The following DPYD variants were observed in gnomAD, a reference collection of about 807,000 sequenced individuals.
The protein encoded by DPYD is dihydropyrimidine dehydrogenase.
DPYD carries 109 observed loss-of-function variants against 116.2 expected under a neutral mutation model. The observed-to-expected ratio is 0.94, with a 90% CI of 0.80 to 1.10. DPYD has a LOEUF of 1.10. DPYD is among the 50% of genes least tolerant of loss of function. The pLI is 0.00. For missense variants in DPYD, 1,302 were observed against 1,254.5 expected (o/e 1.04, Z -0.57); for synonymous variants, 440 against 432.0 (o/e 1.02, Z -0.23).
Position 97,684,281 on chromosome 1 carries a change from T to G in DPYD, c.763-5099A>C, listed in dbSNP as rs142255616. Among the ~76,000 whole-genome samples the G allele has an allele frequency of 1.4e-3, 216 of 152,262 alleles. 2 individuals carry two copies. Among genetic ancestry groups the G allele is most frequent in the Non-Finnish European group, 2.7e-3 (181 of 68,002 alleles). ...AGAACTTCCTGAGTTCTGCCTTAAT[T>G]TCATTGTTTACCCAGGAGTCATACA... On this transcript the variant is annotated intron_variant, in intron 7 of 22. Coordinates refer to ENST00000370192, the MANE Select transcript of DPYD (RefSeq NM_000110.4).
rs796498321 is a variant in DPYD at position 97,259,369 on chromosome 1, C to T, written c.2300-24375G>A. Among the ~76,000 whole-genome samples, 7 of 152,040 alleles carry T rather than the reference C, an allele frequency of 4.6e-5. No individual in the cohort carries two copies. The South Asian group carries it at 1.0e-3, about 23-fold the overall frequency. The stretch of plus-strand genomic sequence containing the variant: ...ACAGCAACCACAAACTGGAATTTAC[C>T]GATTAAAAATATTATTATTTTTGAG... On this transcript the variant is annotated intron_variant, in intron 18 of 22. Coordinates refer to ENST00000370192, the MANE Select transcript of DPYD (RefSeq NM_000110.4).
intron 18 of DPYD, among the ~76,000 whole-genome samples, chr1:97,251,917 A>C: frequency 6.6e-6 from 1 of 152,152 alleles, no homozygotes; most frequent in Admixed American, 6.5e-5. Context: ...AAATGCCATC[A>C]ACTGATCACA....
intron 16 of DPYD, among the ~76,000 whole-genome samples, chr1:97,323,656 C>T (rs1204677833): frequency 4.1e-5 from 2 of 48,328 alleles, no homozygotes; most frequent in African/African-American, 1.3e-4. Context: ...TATATATACA[C>T]GTATATATAC....
chr1:97,133,618 C>T (rs185434712), intron 20 of DPYD, among the ~76,000 whole-genome samples: 1 of 152,030 alleles, frequency 6.6e-6, no homozygotes, highest in Admixed American at 6.6e-5. Flanking sequence ...TCACAGAGCA[C>T]ACTGCAATTT....
chr1:97,539,712 C>T (rs1650285591), intron 12 of DPYD, among the ~76,000 whole-genome samples: 1 of 152,156 alleles, frequency 6.6e-6, no homozygotes, highest in Non-Finnish European at 1.5e-5. Context: ...TAAAGATCAA[C>T]ATTATTTGAC....
At chr1:97,669,429 A>G (rs1659740520) in intron 8 of DPYD, among the ~76,000 whole-genome samples, 1 of 152,146 alleles carries the variant, frequency 6.6e-6, no homozygotes, top group South Asian at 2.1e-4. Flanking sequence ...TAACCAAACT[A>G]GATTGTATTT....
intron 13 of DPYD, among the ~76,000 whole-genome samples, chr1:97,483,602 T>C (rs1160178580): frequency 2.0e-5 from 3 of 152,130 alleles, no homozygotes; most frequent in Admixed American, 2.0e-4. Context: ...GGCACACGTT[T>C]ACCTATGTAA....
At chr1:97,718,037 A>C (rs1662710000) in intron 5 of DPYD, among the ~76,000 whole-genome samples, 1 of 152,068 alleles carries the variant, frequency 6.6e-6, no homozygotes, top group Non-Finnish European at 1.5e-5. Flanking sequence ...GCTTTAAGAA[A>C]TTTCCACACT....
intron 8 of DPYD, among the ~76,000 whole-genome samples, chr1:97,661,513 T>C (rs1659254988): frequency 6.6e-6 from 1 of 152,192 alleles, no homozygotes; most frequent in Non-Finnish European, 1.5e-5. Context: ...CCCATCTAGT[T>C]GATACTTGCC....
chr1:97,274,492 T>G (rs980620118), intron 18 of DPYD, among the ~76,000 whole-genome samples: 1 of 152,188 alleles, frequency 6.6e-6, no homozygotes, highest in Non-Finnish European at 1.5e-5. Context: ...AGCACTATGC[T>G]TCTTGTAGAG....
At chr1:97,563,690 G>C (rs1410936790) in intron 11 of DPYD, among the ~76,000 whole-genome samples, 1 of 152,094 alleles carries the variant, frequency 6.6e-6, no homozygotes, top group Non-Finnish European at 1.5e-5. Context: ...GTTATTAGAG[G>C]GAAGTAAAAT....
intron 19 of DPYD, among the ~76,000 whole-genome samples, chr1:97,205,450 G>C (rs1363226884): frequency 6.6e-6 from 1 of 151,706 alleles, no homozygotes; most frequent in Non-Finnish European, 1.5e-5. Context: ...ATTTCACTTA[G>C]CAGTATGCAT....
chr1:97,830,575 G>T (rs1368744551), intron 2 of DPYD, among the ~76,000 whole-genome samples: 1 of 152,040 alleles, frequency 6.6e-6, no homozygotes, highest in Non-Finnish European at 1.5e-5. Context: ...GCTGGGCATG[G>T]TGGGTGCACC....
At chr1:97,770,471 G>A (rs546227390) in intron 3 of DPYD, among the ~76,000 whole-genome samples, 8 of 151,636 alleles carry the variant, frequency 5.3e-5, no homozygotes, top group African/African-American at 1.7e-4. Flanking sequence ...ATAAGAAAAG[G>A]GAAAAAAAAA....
intron 16 of DPYD, among the ~76,000 whole-genome samples, chr1:97,334,820 T>G (rs1669201606): frequency 6.6e-6 from 1 of 152,148 alleles, no homozygotes; most frequent in Non-Finnish European, 1.5e-5. Flanking sequence ...ACTATTTAAA[T>G]TTGTCCTTGG....
chr1:97,142,116 A>G (rs1485929095), intron 20 of DPYD, among the ~76,000 whole-genome samples: 2 of 152,200 alleles, frequency 1.3e-5, no homozygotes, highest in Non-Finnish European at 1.5e-5. Context: ...CATAGAATGC[A>G]GAGAGAATAG....
At chr1:97,151,400 G>A (rs1271777654) in intron 20 of DPYD, among the ~76,000 whole-genome samples, 2 of 152,182 alleles carry the variant, frequency 1.3e-5, no homozygotes, top group East Asian at 3.9e-4. Context: ...GGGGCTGGGT[G>A]CAGTGGCTCA....
chr1:97,177,201 G>A (rs989375078), intron 20 of DPYD, among the ~76,000 whole-genome samples: 1 of 152,056 alleles, frequency 6.6e-6, no homozygotes, highest in Non-Finnish European at 1.5e-5. Flanking sequence ...CATCTATAAT[G>A]ACCAGCAAAT....
At chr1:97,559,221 T>C (rs1462790287) in intron 11 of DPYD, among the ~76,000 whole-genome samples, 1 of 152,122 alleles carries the variant, frequency 6.6e-6, no homozygotes, top group Non-Finnish European at 1.5e-5. Flanking sequence ...TATAAACAAT[T>C]ACTGAAAGGG....
Sources: gnomAD v4.1 joint callset for allele counts (sites outside exome capture counted in the v4.1 genomes callset) on GRCh38, gnomAD v4.1.1 for gene constraint, MANE v1.5 for transcripts, NCBI Gene and HGNC (gene_info 2026-07-23, HGNC 2026-07-21) for gene names.